DSCAM: variants seen among roughly 807,000 people sequenced by gnomAD.
DSCAM encodes the protein DS cell adhesion molecule, also known as cell adhesion molecule DSCAM.
In DSCAM, 47 loss-of-function variants were observed where a neutral mutation model predicts 217.7. The observed-to-expected ratio is 0.22, with a 90% CI of 0.17 to 0.28. The LOEUF is 0.28. Ranked by LOEUF, DSCAM falls within the 10% of genes least tolerant of loss-of-function variation. The probability of loss-of-function intolerance (pLI) is 1.00; values close to 1 mark genes in which losing one functional copy is unlikely to be tolerated. For missense variants in DSCAM, 2,080 were observed against 2,618.3 expected (o/e 0.79, Z 4.49); for synonymous variants, 1,056 against 1,015.3 (o/e 1.04, Z -0.76).
chr21:40,176,743 C>T (rs1182313935), intron 15 of DSCAM, among the ~76,000 whole-genome samples: 2 of 152,220 alleles, frequency 1.3e-5, no homozygotes, highest in Non-Finnish European at 2.9e-5. Context: ...CCACAGCCAG[C>T]ACACCCAGAT....
chr21:40,446,174 T>C (rs1416212972), intron 3 of DSCAM, among the ~76,000 whole-genome samples: 1 of 152,258 alleles, frequency 6.6e-6, no homozygotes, highest in Non-Finnish European at 1.5e-5. Context: ...TTTAGGTTTA[T>C]TAAAACCATA....
At chr21:40,074,031 C>A (rs537832375) in intron 27 of DSCAM, among the ~76,000 whole-genome samples, 2 of 152,260 alleles carry the variant, frequency 1.3e-5, no homozygotes, top group South Asian at 2.1e-4. Flanking sequence ...AAAAGCAGTG[C>A]TTTGGTGCTT....
At chr21:40,833,967 G>A (rs1244676683) in intron 1 of DSCAM, among the ~76,000 whole-genome samples, 1 of 152,154 alleles carries the variant, frequency 6.6e-6, no homozygotes, top group Non-Finnish European at 1.5e-5. Flanking sequence ...AACCAGATGT[G>A]TGACAACCAA....
At chr21:40,342,223 T>C (rs561969712) in intron 6 of DSCAM, among the ~76,000 whole-genome samples, 4 of 152,164 alleles carry the variant, frequency 2.6e-5, no homozygotes, top group Non-Finnish European at 4.4e-5. Context: ...AGATATCTTA[T>C]AATGATCTGA....
rs1177051761 is a variant in DSCAM, at chr21:40,708,688, G to A, written c.127C>T (p.Leu43=). The A allele has an allele frequency of 6.2e-7, 1 of 1,612,586 alleles. No individual in the cohort carries two copies. Among genetic ancestry groups the A allele is most frequent in the Non-Finnish European group, 8.5e-7 (1 of 1,179,326 alleles). ...EVVFASTTGT[L]VPCPAAGIPP... Reference sequence around the variant, plus strand: ...ATGCCTGCTGCGGGGCAGGGCACCAGAGTCCCCGTGGTGCTGGCAAACACT... The same window carrying A: ...ATGCCTGCTGCGGGGCAGGGCACCAAAGTCCCCGTGGTGCTGGCAAACACT... Residue 43 remains leucine (L), a synonymous_variant, in exon 2 of 33, where the codon CTG becomes TTG. Transcript: ENST00000400454.
At position 40,727,726 on chromosome 21, in the gene DSCAM, TGA is replaced by T. The variant is rs1441794119; in HGVS notation, c.44-18957_44-18956del. On this transcript the variant is annotated intron_variant, in intron 1 of 32. Transcript: ENST00000400454. ...CACTCTCATCCATCAGCTCCATCAG[TGA>T]GAGTGATCCAGTTAAGATGGCTCAG... is the stretch of plus-strand genomic sequence containing the variant. Among the ~76,000 whole-genome samples, 3 of 152,160 alleles carry T rather than the reference TGA, an allele frequency of 2.0e-5. No homozygotes were observed. In the East Asian group the frequency reaches 5.8e-4, roughly 29 times the overall value.
intron 4 of DSCAM, among the ~76,000 whole-genome samples, chr21:40,368,566 T>C (rs1017666590): frequency 3.9e-5 from 6 of 152,238 alleles, no homozygotes; most frequent in African/African-American, 1.4e-4. Context: ...CAGGCAGTGA[T>C]GTTTTAAATT....
chr21:40,017,700 C>T (rs1016424080), intron 32 of DSCAM, among the ~76,000 whole-genome samples: 3 of 152,050 alleles, frequency 2.0e-5, no homozygotes, highest in Non-Finnish European at 4.4e-5. Flanking sequence ...TACAGGCATG[C>T]ACCACCACGC....
chr21:40,488,975 G>A (rs2076052633), intron 3 of DSCAM, among the ~76,000 whole-genome samples: 1 of 152,160 alleles, frequency 6.6e-6, no homozygotes, highest in East Asian at 1.9e-4. Flanking sequence ...ATGTATAATA[G>A]GATAGTCAGA....
At chr21:40,418,115 A>G (rs890477176) in intron 3 of DSCAM, among the ~76,000 whole-genome samples, 3 of 152,190 alleles carry the variant, frequency 2.0e-5, no homozygotes, top group Non-Finnish European at 4.4e-5. Context: ...ACCTTCATGA[A>G]CATGAAGCCA....
chr21:40,300,790 C>G (rs1310808678), intron 9 of DSCAM, among the ~76,000 whole-genome samples: 1 of 152,206 alleles, frequency 6.6e-6, no homozygotes, highest in Non-Finnish European at 1.5e-5. Context: ...ATTGCTAAAC[C>G]TTGTCTCCAG....
At chr21:40,780,088 A>C (rs2091526173) in intron 1 of DSCAM, among the ~76,000 whole-genome samples, 1 of 152,160 alleles carries the variant, frequency 6.6e-6, no homozygotes, top group Non-Finnish European at 1.5e-5. Context: ...TAACAATCGC[A>C]GATGTAGATG....
chr21:40,613,911 T>C (rs765208974), intron 3 of DSCAM, among the ~76,000 whole-genome samples: 1 of 152,170 alleles, frequency 6.6e-6, no homozygotes, highest in Non-Finnish European at 1.5e-5. Context: ...ATGGGATAAT[T>C]AGAAAAGGAA....
chr21:40,822,767 T>G (rs1475974585), intron 1 of DSCAM, among the ~76,000 whole-genome samples: 1 of 152,228 alleles, frequency 6.6e-6, no homozygotes, highest in Non-Finnish European at 1.5e-5. Flanking sequence ...ACCCTACTTC[T>G]CTTTATTTTC....
chr21:40,832,921 CG>C (rs11321798), intron 1 of DSCAM, among the ~76,000 whole-genome samples: 25,239 of 108,604 alleles, frequency 0.23, 2,206 homozygotes, highest in East Asian at 0.27. Flanking sequence ...TTTAAGTTAA[CG>C]AACCTCACCT....
intron 3 of DSCAM, among the ~76,000 whole-genome samples, chr21:40,483,328 T>C (rs1569142304): frequency 6.6e-6 from 1 of 152,232 alleles, no homozygotes; most frequent in Non-Finnish European, 1.5e-5. Context: ...AAAAAACAGC[T>C]ACCTATTATG....
intron 3 of DSCAM, among the ~76,000 whole-genome samples, chr21:40,466,929 T>C (rs11088517): frequency 0.013 from 2,049 of 152,352 alleles, 63 homozygotes; most frequent in African/African-American, 0.046. Flanking sequence ...TTACATTGTT[T>C]TCCTAATGCA....
chr21:40,499,215 TG>T (rs1281598954), intron 3 of DSCAM, among the ~76,000 whole-genome samples: 12 of 152,180 alleles, frequency 7.9e-5, no homozygotes, highest in African/African-American at 2.4e-4. Context: ...TATCTGTTTA[TG>T]TGGTCATATA....
intron 2 of DSCAM, among the ~76,000 whole-genome samples, chr21:40,694,669 T>C (rs1239719639): frequency 6.6e-6 from 1 of 151,854 alleles, no homozygotes; most frequent in African/African-American, 2.4e-5. Context: ...CCAAGCGGCA[T>C]GAGGTGAAGG....
Sources: allele counts gnomAD v4.1 joint callset (sites outside exome capture counted in the v4.1 genomes callset), GRCh38; gene constraint gnomAD v4.1.1; transcripts MANE v1.5; gene names NCBI Gene and HGNC (gene_info 2026-07-23, HGNC 2026-07-21).